The following CCSER1 variants were observed in gnomAD, a reference collection of about 807,000 sequenced individuals.
CCSER1 encodes coiled-coil serine rich protein 1.
CCSER1 carries 41 observed loss-of-function variants against 82.0 expected under a neutral mutation model. The ratio of observed to expected loss-of-function variants is 0.50; its 90% CI spans 0.39 to 0.65. The LOEUF (loss-of-function observed/expected upper bound fraction) is 0.65. Among genes scored for constraint, CCSER1 ranks in the 30% least tolerant of loss-of-function variants. The probability of loss-of-function intolerance (pLI) is 0.00; values close to 1 mark genes in which losing one functional copy is unlikely to be tolerated. For missense variants in CCSER1, 1,119 were observed against 1,064.2 expected (o/e 1.05, Z -0.72); for synonymous variants, 414 against 383.9 (o/e 1.08, Z -0.92).
At chr4:91,352,968 G>C (rs1463367452) in intron 10 of CCSER1, among the ~76,000 whole-genome samples, 1 of 152,172 alleles carries the variant, frequency 6.6e-6, no homozygotes, top group Non-Finnish European at 1.5e-5. Flanking sequence ...CAGTGTATGG[G>C]AAGAGGGTGA....
At chr4:90,558,240 GA>G (rs1042218353) in intron 5 of CCSER1, among the ~76,000 whole-genome samples, 11 of 152,004 alleles carry the variant, frequency 7.2e-5, no homozygotes, top group African/African-American at 9.7e-5. Context: ...CAATTAAAAA[GA>G]AAACAGACAT....
intron 10 of CCSER1, among the ~76,000 whole-genome samples, chr4:91,500,080 T>C (rs532329925): frequency 6.6e-6 from 1 of 152,178 alleles, no homozygotes; most frequent in East Asian, 1.9e-4. Context: ...TGCCATTTTG[T>C]ATTTACACCA....
At chr4:90,442,371 G>T (rs1276984347) in intron 4 of CCSER1, among the ~76,000 whole-genome samples, 1 of 152,120 alleles carries the variant, frequency 6.6e-6, no homozygotes, top group Non-Finnish European at 1.5e-5. Flanking sequence ...CTCTAGGATT[G>T]TCTACGGTCC....
At position 90,230,765 on chromosome 4, in the gene CCSER1, C is replaced by A. The variant is rs1246647090; in HGVS notation, c.-41-77479C>A. Among the ~76,000 whole-genome samples, 7 of 151,450 alleles carry A rather than the reference C, an allele frequency of 4.6e-5. 1 individual carries two copies. Among genetic ancestry groups the A allele is most frequent in the African/African-American group, 1.5e-4 (6 of 41,316 alleles). ...AAAAAAGAGAGAAGAATCAAATAGACGCAATAAAAAATGATAAAGGGGATA... is the reference window on the plus strand; with the variant it reads ...AAAAAAGAGAGAAGAATCAAATAGAAGCAATAAAAAATGATAAAGGGGATA... On this transcript the variant is annotated intron_variant, in intron 1 of 10. Transcript: ENST00000509176.
intron 10 of CCSER1, among the ~76,000 whole-genome samples, chr4:91,350,611 T>A (rs1748407396): frequency 6.6e-6 from 1 of 152,124 alleles, no homozygotes; most frequent in South Asian, 2.1e-4. Context: ...ATTGTCACAT[T>A]AACTACATGT....
chr4:90,532,915 T>C (rs1429997790), intron 5 of CCSER1, among the ~76,000 whole-genome samples: 2 of 152,118 alleles, frequency 1.3e-5, no homozygotes, highest in African/African-American at 4.8e-5. Flanking sequence ...CAGGTCACTT[T>C]AGATTGTACT....
intron 10 of CCSER1, among the ~76,000 whole-genome samples, chr4:91,520,848 G>C (rs1578683699): frequency 6.6e-6 from 1 of 152,072 alleles, no homozygotes. Context: ...TGAATTATCA[G>C]TTGGAAAATA....
At chr4:90,957,652 TTA>T (rs541511010) in intron 9 of CCSER1, among the ~76,000 whole-genome samples, 22 of 133,516 alleles carry the variant, frequency 1.6e-4, no homozygotes, top group South Asian at 2.2e-4. Context: ...TAATATATAA[TTA>T]TATATATAAC....
intron 6 of CCSER1, among the ~76,000 whole-genome samples, chr4:90,672,788 T>C (rs994230593): frequency 6.6e-6 from 1 of 151,996 alleles, no homozygotes; most frequent in Non-Finnish European, 1.5e-5. Context: ...TGTAGCATGA[T>C]TAATTGGCAT....
chr4:90,824,758 A>G (rs917965789), intron 8 of CCSER1, among the ~76,000 whole-genome samples: 3 of 152,182 alleles, frequency 2.0e-5, no homozygotes, highest in Non-Finnish European at 4.4e-5. Context: ...ATTTACATAG[A>G]AATGGACAGC....
At chr4:91,294,346 AG>A (rs1442117640) in intron 10 of CCSER1, among the ~76,000 whole-genome samples, 1 of 151,960 alleles carries the variant, frequency 6.6e-6, no homozygotes, top group East Asian at 1.9e-4. Context: ...GGGAAATTCT[AG>A]TGGAGACTTA....
intron 5 of CCSER1, among the ~76,000 whole-genome samples, chr4:90,521,816 G>A (rs1057343703): frequency 1.7e-4 from 26 of 152,210 alleles, no homozygotes; most frequent in Admixed American, 4.6e-4. Flanking sequence ...TTCTGAAACA[G>A]GGGACATTAA....
intron 9 of CCSER1, among the ~76,000 whole-genome samples, chr4:91,071,223 C>G (rs1429309361): frequency 6.6e-6 from 1 of 152,010 alleles, no homozygotes; most frequent in Non-Finnish European, 1.5e-5. Context: ...AACAAAGATC[C>G]CTGTCTTTGA....
chr4:90,442,719 C>A (rs1273242402), intron 4 of CCSER1, among the ~76,000 whole-genome samples: 2 of 152,280 alleles, frequency 1.3e-5, no homozygotes, highest in East Asian at 3.9e-4. Context: ...GATAAGTAAT[C>A]TGTTAGCCCA....
At chr4:91,307,668 T>A (rs905308129) in intron 10 of CCSER1, among the ~76,000 whole-genome samples, 6 of 151,960 alleles carry the variant, frequency 3.9e-5, no homozygotes, top group South Asian at 2.1e-4. Context: ...AAAGACCTTT[T>A]CCTTGAGAGA....
chr4:90,490,628 T>A (rs1767857357), intron 5 of CCSER1, among the ~76,000 whole-genome samples: 1 of 152,160 alleles, frequency 6.6e-6, no homozygotes, highest in South Asian at 2.1e-4. Flanking sequence ...TTGCCTAGGT[T>A]TTCTTGTAGG....
intron 10 of CCSER1, among the ~76,000 whole-genome samples, chr4:91,348,493 G>T (rs1426265054): frequency 6.6e-6 from 1 of 152,182 alleles, no homozygotes; most frequent in African/African-American, 2.4e-5. Context: ...CTAGAAGAAT[G>T]AGTTAGGAAA....
At chr4:90,727,721 G>A (rs755056744) in intron 7 of CCSER1, among the ~76,000 whole-genome samples, 18 of 152,080 alleles carry the variant, frequency 1.2e-4, no homozygotes, top group Non-Finnish European at 1.9e-4. Context: ...AAGCTGGCTC[G>A]TTGCTCCTGA....
rs72880902 is a variant in CCSER1 at position 91,449,061 on chromosome 4, G to T, written c.2218-149511G>T. Among the ~76,000 whole-genome samples the T allele has an allele frequency of 4.1e-3, 629 of 152,120 alleles. 2 individuals carry two copies. The highest frequency in any genetic ancestry group is 0.014 in the African/African-American group (595 of 41,512). ...AGACTTGTAAGATGGAAGGGAGTGG[G>T]CCATGTAGAAACCTGTAGAAAGAAT... On this transcript the variant is annotated intron_variant, in intron 10 of 10. Transcript: ENST00000509176.
Sources: allele counts gnomAD v4.1 joint callset (sites outside exome capture counted in the v4.1 genomes callset), GRCh38; gene constraint gnomAD v4.1.1; transcripts MANE v1.5; gene names NCBI Gene and HGNC (gene_info 2026-07-23, HGNC 2026-07-21).